CHN2: variants seen among roughly 807,000 people sequenced by gnomAD.
CHN2 encodes the protein chimerin 2, also known as beta-chimaerin.
Under a neutral mutation model 56.3 loss-of-function variants are expected in CHN2, and 35 were observed. The ratio of observed to expected loss-of-function variants is 0.62; its 90% CI spans 0.47 to 0.82. The LOEUF is 0.82. Ranked by LOEUF, CHN2 falls within the 40% of genes least tolerant of loss-of-function variation. The pLI, the probability that CHN2 is intolerant of heterozygous loss-of-function variation, is 0.00. For synonymous variants in CHN2, 210 were observed against 212.8 expected, an observed-to-expected ratio of 0.99 and a Z score of 0.12; for missense variants, 491 against 580.5, an observed-to-expected ratio of 0.85 and a Z score of 1.58.
intron 6 of CHN2, among the ~76,000 whole-genome samples, chr7:29,407,570 T>C (rs1291072702): frequency 1.3e-5 from 2 of 152,166 alleles, no homozygotes; most frequent in East Asian, 3.9e-4. Flanking sequence ...GTAACTGACA[T>C]ACCCAGTCTT....
intron 6 of CHN2, among the ~76,000 whole-genome samples, chr7:29,448,874 C>T (rs1324005146): frequency 6.6e-6 from 1 of 152,198 alleles, no homozygotes; most frequent in Non-Finnish European, 1.5e-5. Context: ...TATCCCCAAC[C>T]AGACTGTAAA....
At chr7:29,195,503 A>G (rs1238436314) in intron 1 of CHN2, 2 of 154,556 alleles carry the variant, frequency 1.3e-5, no homozygotes, top group Admixed American at 1.3e-4. Flanking sequence ...GGTTTTAGAC[A>G]GCAGCAATGA....
chr7:29,316,049 G>C (rs761359190), intron 1 of CHN2, among the ~76,000 whole-genome samples: 5 of 152,174 alleles, frequency 3.3e-5, no homozygotes, highest in Non-Finnish European at 7.3e-5. Context: ...CAAATTCATT[G>C]GGCAAGCCAT....
chr7:29,156,672 A>G (rs775767833), intron 2 of CHN2, among the ~76,000 whole-genome samples: 13 of 152,146 alleles, frequency 8.5e-5, no homozygotes, highest in Non-Finnish European at 1.9e-4. Flanking sequence ...TTATTGGTGT[A>G]ATTTTGACCA....
intron 3 of CHN2, among the ~76,000 whole-genome samples, chr7:29,378,502 G>A (rs763420663): frequency 1.1e-4 from 17 of 152,190 alleles, no homozygotes; most frequent in Non-Finnish European, 1.6e-4. Context: ...TTATTAGAAC[G>A]CAGCAGTACT....
intron 2 of CHN2, among the ~76,000 whole-genome samples, chr7:29,168,615 G>T (rs1291446685): frequency 6.6e-6 from 1 of 152,136 alleles, no homozygotes; most frequent in Admixed American, 6.5e-5. Context: ...GTTATGTGAG[G>T]GTCTCTGTTC....
intron 1 of CHN2, among the ~76,000 whole-genome samples, chr7:29,283,352 G>A (rs868637318): frequency 2.6e-5 from 4 of 152,146 alleles, no homozygotes; most frequent in Admixed American, 6.5e-5. Context: ...GGTTTGATTC[G>A]CAGAATTCTA....
chr7:29,387,858 T>C (rs1378568874), intron 3 of CHN2, among the ~76,000 whole-genome samples: 1 of 152,220 alleles, frequency 6.6e-6, no homozygotes, highest in Non-Finnish European at 1.5e-5. Context: ...GCATTATTTA[T>C]TTTTATTATA....
intron 9 of CHN2, among the ~76,000 whole-genome samples, chr7:29,502,457 G>C (rs4722914): frequency 0.25 from 38,176 of 152,114 alleles, 5,121 homozygotes; most frequent in Middle Eastern, 0.32. Context: ...ACATGGGCCA[G>C]AGTTTAATGG....
rs528555326 is a variant in CHN2 at position 29,323,656 on chromosome 7, G to C, written c.50-30969G>C. ...TTTCAAAGGCAGTTTAGGGGGAAGG[G>C]TGGGGTGGCTGGGCTTGCTGCTGAT... On this transcript the variant is annotated intron_variant, in intron 1 of 12. Coordinates refer to ENST00000222792, the MANE Select transcript of CHN2 (RefSeq NM_004067.4). Among the ~76,000 whole-genome samples, 6 of 152,148 alleles carry C rather than the reference G, an allele frequency of 3.9e-5. No individual in the cohort carries two copies. In the East Asian group the frequency reaches 1.2e-3, roughly 29 times the overall value.
At chr7:29,354,288 C>A (rs985768774) in intron 1 of CHN2, among the ~76,000 whole-genome samples, 9 of 152,216 alleles carry the variant, frequency 5.9e-5, no homozygotes, top group Admixed American at 4.6e-4. Flanking sequence ...TATATGTTTA[C>A]TATGCCAAGT....
intron 1 of CHN2, among the ~76,000 whole-genome samples, chr7:29,319,104 C>T (rs1795157725): frequency 1.3e-5 from 2 of 152,202 alleles, no homozygotes; most frequent in South Asian, 4.1e-4. Flanking sequence ...TTCTGTAGGA[C>T]ATGGTTTCGT....
intron 1 of CHN2, chr7:29,292,929 T>A (rs1010218212): frequency 2.2e-6 from 1 of 456,196 alleles, no homozygotes; most frequent in East Asian, 6.9e-5. Flanking sequence ...CTTCAGTCTA[T>A]TCTGAACCCA....
chr7:29,256,620 C>T (rs245977), intron 1 of CHN2, among the ~76,000 whole-genome samples: 63,696 of 151,938 alleles, frequency 0.42, 14,646 homozygotes, highest in East Asian at 0.89. Flanking sequence ...GAAGCTGGTG[C>T]TCATGGATCA....
intron 6 of CHN2, among the ~76,000 whole-genome samples, chr7:29,444,185 T>C (rs769525163): frequency 5.3e-5 from 8 of 152,234 alleles, no homozygotes; most frequent in Non-Finnish European, 8.8e-5. Context: ...TGGAAGTCTA[T>C]ATATGCATAC....
intron 6 of CHN2, among the ~76,000 whole-genome samples, chr7:29,406,556 C>T (rs1487117924): frequency 1.3e-5 from 2 of 152,056 alleles, no homozygotes; most frequent in African/African-American, 4.8e-5. Flanking sequence ...CACTCAGCCT[C>T]CCCTCCCCTC....
At chr7:29,203,382 G>C (rs2128770700) in intron 1 of CHN2, among the ~76,000 whole-genome samples, 1 of 146,010 alleles carries the variant, frequency 6.8e-6, no homozygotes, top group African/African-American at 2.6e-5. Context: ...CACAAGAATC[G>C]CTTGAATCCG....
intron 6 of CHN2, among the ~76,000 whole-genome samples, chr7:29,440,675 A>G (rs1783571046): frequency 7.5e-6 from 1 of 132,880 alleles, no homozygotes; most frequent in African/African-American, 2.9e-5. Flanking sequence ...ACACAATGAG[A>G]CTCCGTCTCA....
At chr7:29,305,414 C>T (rs1794060316) in intron 1 of CHN2, among the ~76,000 whole-genome samples, 1 of 152,016 alleles carries the variant, frequency 6.6e-6, no homozygotes, top group South Asian at 2.1e-4. Flanking sequence ...ATATTCAGCA[C>T]CCAACATTCT....
Sources: allele counts gnomAD v4.1 joint callset (sites outside exome capture counted in the v4.1 genomes callset), GRCh38; gene constraint gnomAD v4.1.1; transcripts MANE v1.5; gene names NCBI Gene and HGNC (gene_info 2026-07-23, HGNC 2026-07-21).